Variants in UTRN observed in about 807,000 individuals in gnomAD.
UTRN encodes utrophin.
UTRN carries 283 observed loss-of-function variants against 463.9 expected under a neutral mutation model. The ratio of observed to expected loss-of-function variants is 0.61; its 90% CI spans 0.55 to 0.67. UTRN has a LOEUF of 0.67. Among genes scored for constraint, UTRN ranks in the 30% least tolerant of loss-of-function variants. The pLI, the probability that UTRN is intolerant of heterozygous loss-of-function variation, is 0.00. For synonymous variants in UTRN, 1,442 were observed against 1,431.5 expected (o/e 1.01, Z -0.17); for missense variants, 3,922 against 4,084.3 (o/e 0.96, Z 1.08).
At chr6:144,785,039 C>G (rs1776184177) in intron 61 of UTRN, among the ~76,000 whole-genome samples, 1 of 152,206 alleles carries the variant, frequency 6.6e-6, no homozygotes, top group Non-Finnish European at 1.5e-5. Flanking sequence ...CCAGGTTTCT[C>G]TAACAACCAT....
At chr6:144,451,253 T>G in intron 17 of UTRN, 117 bp from the exon 18 acceptor site, 1 of 1,241,086 alleles carries the variant, frequency 8.1e-7, no homozygotes, top group Non-Finnish European at 1.1e-6. Context: ...GGGTTGCTGT[T>G]TTTGGGGGAG....
chr6:144,672,859 A>G (rs1781194460), intron 51 of UTRN, among the ~76,000 whole-genome samples: 1 of 151,982 alleles, frequency 6.6e-6, no homozygotes, highest in African/African-American at 2.4e-5. Context: ...AGAGGTTTTG[A>G]TAGGTTGTGT....
chr6:144,627,886 G>A (rs1345920611), intron 51 of UTRN, among the ~76,000 whole-genome samples: 2 of 145,472 alleles, frequency 1.4e-5, no homozygotes, highest in Admixed American at 7.2e-5. Flanking sequence ...TGCAACGTCC[G>A]TCTCCCGGGT....
At chr6:144,543,607 T>A (rs1798164809) in intron 46 of UTRN, among the ~76,000 whole-genome samples, 1 of 152,114 alleles carries the variant, frequency 6.6e-6, no homozygotes, top group African/African-American at 2.4e-5. Flanking sequence ...GCTTTTTTCT[T>A]CTCCCTTGTC....
chr6:144,421,562 G>A (rs930149760), intron 3 of UTRN, among the ~76,000 whole-genome samples: 4 of 151,724 alleles, frequency 2.6e-5, no homozygotes, highest in East Asian at 2.0e-4. Context: ...GGTGGCGGGC[G>A]CCTGTAGTCC....
chr6:144,826,689 T>TA (rs951470460), intron 66 of UTRN, among the ~76,000 whole-genome samples: 3 of 152,156 alleles, frequency 2.0e-5, no homozygotes, highest in African/African-American at 7.2e-5. Flanking sequence ...TTTAAACTTC[T>TA]AAAAAACTTT....
At chr6:144,324,456 C>T (rs1775853374) in intron 2 of UTRN, among the ~76,000 whole-genome samples, 1 of 152,136 alleles carries the variant, frequency 6.6e-6, no homozygotes, top group Non-Finnish European at 1.5e-5. Context: ...TGGACTTAAT[C>T]ATAAAGAGAA....
chr6:144,331,605 A>T (rs769604980), intron 2 of UTRN, among the ~76,000 whole-genome samples: 3 of 152,162 alleles, frequency 2.0e-5, no homozygotes, highest in Admixed American at 6.5e-5. Flanking sequence ...TGGTTCGTTC[A>T]CTGTCATTTA....
At chr6:144,347,837 G>C (rs541007610) in intron 2 of UTRN, among the ~76,000 whole-genome samples, 4 of 128,902 alleles carry the variant, frequency 3.1e-5, no homozygotes, top group Non-Finnish European at 4.8e-5. Context: ...CTTATTCTTT[G>C]TTTTTTTTTT....
At chr6:144,772,377 A>G (rs764244728) in intron 59 of UTRN, among the ~76,000 whole-genome samples, 7 of 152,152 alleles carry the variant, frequency 4.6e-5, no homozygotes, top group Non-Finnish European at 5.9e-5. Context: ...CTTACATGGC[A>G]TATTAATGTT....
rs1778278201 is a variant in UTRN at position 144,646,135 on chromosome 6, AC to A, written c.7480-32266del. Among the ~76,000 whole-genome samples, 5 of 152,108 alleles carry A rather than the reference AC, an allele frequency of 3.3e-5. No individual in the cohort carries two copies. The South Asian group carries it at 1.0e-3, about 32-fold the overall frequency. ...TAACAGTTCACTTTGTCAGACTTCTACCCCCTCTACAAGATTAAGAAAATTA... is the reference window on the plus strand; with the variant it reads ...TAACAGTTCACTTTGTCAGACTTCTACCCCTCTACAAGATTAAGAAAATTA... On this transcript the variant is annotated intron_variant, in intron 51 of 74. Transcript: ENST00000367545.
chr6:144,468,983 A>C (rs1381600886), intron 23 of UTRN, among the ~76,000 whole-genome samples: 1 of 151,980 alleles, frequency 6.6e-6, no homozygotes, highest in Non-Finnish European at 1.5e-5. Flanking sequence ...GGACTTGATA[A>C]CCCTTCCCGC....
At chr6:144,337,017 C>T (rs1030722462) in intron 2 of UTRN, among the ~76,000 whole-genome samples, 4 of 152,094 alleles carry the variant, frequency 2.6e-5, no homozygotes, top group African/African-American at 7.2e-5. Flanking sequence ...TCCTGCAGAT[C>T]GCTGTCAGCC....
At chr6:144,457,013 T>A (rs1174896202) in intron 19 of UTRN, among the ~76,000 whole-genome samples, 2 of 152,212 alleles carry the variant, frequency 1.3e-5, no homozygotes, top group African/African-American at 4.8e-5. Flanking sequence ...TAAAGTGATC[T>A]TCTGTTGATT....
intron 3 of UTRN, among the ~76,000 whole-genome samples, chr6:144,406,522 A>G (rs1216678769): frequency 6.6e-6 from 1 of 151,924 alleles, no homozygotes; most frequent in Non-Finnish European, 1.5e-5. Context: ...GCATGTCACC[A>G]TGCCCAGCTA....
At chr6:144,521,925 G>C in intron 39 of UTRN, 55 bp from the exon 40 acceptor site, 1 of 1,069,154 alleles carries the variant, frequency 9.4e-7, no homozygotes, top group Non-Finnish European at 1.2e-6. Flanking sequence ...CATTGTGGGG[G>C]TATTTTAAGA....
At chr6:144,461,632 A>G (rs1789420759) in intron 22 of UTRN, among the ~76,000 whole-genome samples, 2 of 152,210 alleles carry the variant, frequency 1.3e-5, no homozygotes, top group African/African-American at 2.4e-5. Context: ...AATGAGGACT[A>G]TCAGTTGACG....
chr6:144,410,375 C>A lies in UTRN; in HGVS notation c.141+7191C>A, dbSNP rs543572953. On this transcript the variant is annotated intron_variant, in intron 3 of 74. Transcript: ENST00000367545. ...TTCCTGAGTTTGCCTACAGACCTTGCCTGGTATGCATAAAGAGTCAGAGCT... is the reference window on the plus strand; with the variant it reads ...TTCCTGAGTTTGCCTACAGACCTTGACTGGTATGCATAAAGAGTCAGAGCT... 5.9e-5 allele frequency among the ~76,000 whole-genome samples: 9 copies of A among 152,196 alleles called. No individual in the cohort carries two copies. The East Asian group carries it at 1.4e-3, about 23-fold the overall frequency.
chr6:144,700,760 G>A (rs532929176), intron 53 of UTRN, among the ~76,000 whole-genome samples: 1 of 148,054 alleles, frequency 6.8e-6, no homozygotes, highest in Non-Finnish European at 1.5e-5. Flanking sequence ...TTAAGATGGA[G>A]TCTTGCTCTG....
Sources: allele counts gnomAD v4.1 joint callset (sites outside exome capture counted in the v4.1 genomes callset), GRCh38; gene constraint gnomAD v4.1.1; transcripts MANE v1.5; gene names NCBI Gene and HGNC (gene_info 2026-07-23, HGNC 2026-07-21).